Variants in TLE1 observed in about 807,000 individuals in gnomAD.
The protein encoded by TLE1 is transducin-like enhancer protein 1.
In TLE1, 21 loss-of-function variants were observed where a neutral mutation model predicts 89.8. The ratio of observed to expected loss-of-function variants is 0.23; its 90% confidence interval spans 0.17 to 0.34. The LOEUF is 0.34. TLE1 is among the 10% of genes least tolerant of loss of function. TLE1 has a pLI of 1.00. For missense variants in TLE1, 795 were observed against 1,031.2 expected, an observed-to-expected ratio of 0.77 and a Z score of 3.14; for synonymous variants, 447 against 407.6, an observed-to-expected ratio of 1.10 and a Z score of -1.16.
At chr9:81,676,568 A>T (rs1832930406) in intron 4 of TLE1, among the ~76,000 whole-genome samples, 1 of 152,218 alleles carries the variant, frequency 6.6e-6, no homozygotes, top group Admixed American at 6.5e-5. Flanking sequence ...GGATAAAAGG[A>T]AATGCAGGAA....
Position 81,652,106 on chromosome 9 carries a change from T to TACACACACACACACACAC in TLE1, c.372+90_372+107dup, listed in dbSNP as rs3045544. ...CTTATCAAATAGGTCAACGTTAAGA[T>TACACACACACACACACAC]ACACACACACACACACACACACACA... On this transcript the variant is annotated intron_variant, in intron 6 of 19. Transcript: ENST00000376499. The TACACACACACACACACAC allele has an allele frequency of 5.3e-4, 372 of 696,442 alleles. 2 individuals carry two copies. In the African/African-American group the frequency reaches 5.7e-3, roughly 11 times the overall value. 43.1% of individuals were successfully genotyped at this position (696,442 alleles called of 1,614,324 possible).
At chr9:81,659,460 C>CA (rs1830515670) in intron 4 of TLE1, among the ~76,000 whole-genome samples, 1 of 152,118 alleles carries the variant, frequency 6.6e-6, no homozygotes, top group Admixed American at 6.5e-5. Context: ...TGTAAGGCAA[C>CA]AACAATAAAT....
chr9:81,678,133 CAG>C (rs1360919340), intron 4 of TLE1, among the ~76,000 whole-genome samples: 3 of 152,164 alleles, frequency 2.0e-5, no homozygotes, highest in Non-Finnish European at 4.4e-5. Flanking sequence ...TGAGACCTTA[CAG>C]GGGAGGGGAT....
chr9:81,675,803 T>G (rs2133037803), intron 4 of TLE1, among the ~76,000 whole-genome samples: 1 of 148,904 alleles, frequency 6.7e-6, no homozygotes, highest in East Asian at 2.0e-4. Context: ...CTGGTTCAAG[T>G]GATTTTCCTG....
chr9:81,666,752 G>A (rs192747643), intron 4 of TLE1, among the ~76,000 whole-genome samples: 40 of 150,120 alleles, frequency 2.7e-4, no homozygotes, highest in African/African-American at 9.1e-4. Context: ...TCCAGCCTGG[G>A]TGACAGAGCA....
intron 15 of TLE1, among the ~76,000 whole-genome samples, chr9:81,592,451 G>A (rs1052905418): frequency 2.0e-5 from 3 of 152,172 alleles, no homozygotes. Context: ...GAGCGGACGT[G>A]GCTTAGGTAC....
intron 4 of TLE1, among the ~76,000 whole-genome samples, chr9:81,678,789 G>A (rs977542237): frequency 3.3e-5 from 5 of 151,572 alleles, no homozygotes; most frequent in Admixed American, 2.6e-4. Context: ...GCAGTGAGCC[G>A]AGATCGAGCC....
rs374897124 is a variant in TLE1, at chr9:81,584,170, A to G, written c.*28T>C. On this transcript the variant is annotated 3_prime_UTR_variant, in exon 20 of 20. Coordinates refer to ENST00000376499, the MANE Select transcript of TLE1 (RefSeq NM_005077.5). ...ATTCGAAACATTTTGGCCCAATTCA[A>G]CTATAAACGTTAAACCACATAATGT... is the stretch of plus-strand genomic sequence containing the variant. 5.7e-6 allele frequency: 9 copies of G among 1,581,876 alleles called. No individual in the cohort carries two copies. The highest frequency in any genetic ancestry group is 5.5e-5 in the South Asian group (5 of 90,206).
intron 4 of TLE1, among the ~76,000 whole-genome samples, chr9:81,667,982 G>A (rs1200011752): frequency 6.6e-6 from 1 of 152,028 alleles, no homozygotes; most frequent in African/African-American, 2.4e-5. Flanking sequence ...TGGCCAACAT[G>A]GTGAAACCCT....
chr9:81,604,074 T>A (rs990430904), intron 14 of TLE1, among the ~76,000 whole-genome samples: 2 of 152,158 alleles, frequency 1.3e-5, no homozygotes, highest in Admixed American at 6.5e-5. Context: ...GGGTCTTCAT[T>A]TCCTTGTGAA....
At position 81,681,824 on chromosome 9, in the gene TLE1, T is replaced by C. The variant is rs369909896; in HGVS notation, c.234+3852A>G. 1.7e-4 allele frequency among the ~76,000 whole-genome samples: 26 copies of C among 152,282 alleles called. No homozygotes were observed. In the South Asian group the frequency reaches 5.0e-3, roughly 29 times the overall value. On this transcript the variant is annotated intron_variant, in intron 4 of 19. Coordinates refer to ENST00000376499, the MANE Select transcript of TLE1 (RefSeq NM_005077.5). ...GCTGATTCTCCTAACTTTTAGAACA[T>C]ACATTCAGTCCTGACATGTCTTACA...
At position 81,682,528 on chromosome 9, in the gene TLE1, T is replaced by C. The variant is rs896937325; in HGVS notation, c.234+3148A>G. ...TCATCAGCATGCTGAAAAGATAACA[T>C]GAGTGGGCTAAAATAAGGTTTATGT... On this transcript the variant is annotated intron_variant, in intron 4 of 19. Transcript: ENST00000376499. Among the ~76,000 whole-genome samples, 3 of 151,948 alleles carry C rather than the reference T, an allele frequency of 2.0e-5. No individual in the cohort carries two copies. The East Asian group carries it at 5.8e-4, about 29-fold the overall frequency.
At chr9:81,586,731 T>C (rs1828523759) in intron 17 of TLE1, among the ~76,000 whole-genome samples, 1 of 152,190 alleles carries the variant, frequency 6.6e-6, no homozygotes, top group African/African-American at 2.4e-5. Flanking sequence ...TGTGCTTTCA[T>C]AAATGCTTGG....
rs561001916 is a variant in TLE1 at position 81,682,610 on chromosome 9, T to C, written c.234+3066A>G. 6.6e-5 allele frequency among the ~76,000 whole-genome samples: 10 copies of C among 152,274 alleles called. No homozygotes were observed. In the South Asian group the frequency reaches 2.1e-3, roughly 32 times the overall value. Reference sequence around the variant, plus strand: ...TATCAAATGAGGTAATATCAAACCATATGACAGACAAAAACATTTAAAGAT... The same window carrying C: ...TATCAAATGAGGTAATATCAAACCACATGACAGACAAAAACATTTAAAGAT... On this transcript the variant is annotated intron_variant, in intron 4 of 19. Coordinates refer to ENST00000376499, the MANE Select transcript of TLE1 (RefSeq NM_005077.5).
intron 4 of TLE1, among the ~76,000 whole-genome samples, chr9:81,675,189 C>T (rs1198661166): frequency 6.6e-6 from 1 of 151,988 alleles, no homozygotes; most frequent in Non-Finnish European, 1.5e-5. Context: ...ATAGATATTA[C>T]AAAATGTTAA....
chr9:81,585,402 C>T (rs1234953498), intron 18 of TLE1, 103 bp downstream of exon 18: 6 of 1,418,600 alleles, frequency 4.2e-6, no homozygotes, highest in African/African-American at 2.8e-5. Flanking sequence ...TCCAGCTGCT[C>T]GGAGAACATT....
chr9:81,598,439 T>C (rs973560515), intron 14 of TLE1, among the ~76,000 whole-genome samples: 1 of 152,170 alleles, frequency 6.6e-6, no homozygotes, highest in African/African-American at 2.4e-5. Flanking sequence ...TTAACCTCTC[T>C]AATAGTACTT....
intron 4 of TLE1, among the ~76,000 whole-genome samples, chr9:81,655,538 C>T (rs1830055355): frequency 6.6e-6 from 1 of 151,974 alleles, no homozygotes; most frequent in Admixed American, 6.6e-5. Flanking sequence ...TGCAAAGCAG[C>T]TCTGCTTTCC....
intron 1 of TLE1, 44 bp from the exon 2 acceptor site, chr9:81,687,478 CG>C: frequency 6.8e-7 from 1 of 1,474,834 alleles, no homozygotes; most frequent in Admixed American, 1.9e-5. Flanking sequence ...GGAATGCGGG[CG>C]GATGAATAAA....
Sources: allele counts gnomAD v4.1 joint callset (sites outside exome capture counted in the v4.1 genomes callset), GRCh38; gene constraint gnomAD v4.1.1; transcripts MANE v1.5; gene names NCBI Gene and HGNC (gene_info 2026-07-23, HGNC 2026-07-21).